Variants in ZBBX observed in about 807,000 individuals in gnomAD.
ZBBX encodes zinc finger B-box domain containing.
Under a neutral mutation model 108.5 loss-of-function variants are expected in ZBBX, and 101 were observed. That is an observed-to-expected ratio of 0.93 (90% confidence interval 0.79 to 1.10). The LOEUF (loss-of-function observed/expected upper bound fraction) is 1.10. Ranked by LOEUF, ZBBX falls within the 50% of genes least tolerant of loss-of-function variation. ZBBX has a pLI of 0.00. For missense variants in ZBBX, 1,009 were observed against 941.4 expected (o/e 1.07, Z -0.94); for synonymous variants, 356 against 323.4 (o/e 1.10, Z -1.08).
At chr3:167,312,406 A>G (rs2108268925) in intron 16 of ZBBX, among the ~76,000 whole-genome samples, 1 of 152,328 alleles carries the variant, frequency 6.6e-6, no homozygotes, top group South Asian at 2.1e-4. Flanking sequence ...TACAATACCA[A>G]GAGTGAACTC....
the ZBBX span, among the ~76,000 whole-genome samples, chr3:167,218,734 A>G: frequency 3.3e-5 from 5 of 152,132 alleles, no homozygotes; most frequent in Non-Finnish European, 7.4e-5. Context: ...CCACAAAACA[A>G]CCAGAACACA....
At position 167,376,857 on chromosome 3, in the gene ZBBX, G is replaced by C. The variant is rs143407956; in HGVS notation, c.-132+2781C>G. ...CATATTATTCTGCCTGTTTCCTTTT[G>C]TAAAGCCAACAGAGAATTTAGTCAC... On this transcript the variant is annotated intron_variant, in intron 2 of 21. Coordinates refer to ENST00000675490, the MANE Select transcript of ZBBX (RefSeq NM_001199201.2). Among the ~76,000 whole-genome samples, 52 of 152,196 alleles carry C rather than the reference G, an allele frequency of 3.4e-4. No homozygotes were observed. In the East Asian group the frequency reaches 9.5e-3, roughly 28 times the overall value.
chr3:167,373,733 T>C lies in ZBBX; in HGVS notation c.-77A>G, dbSNP rs1483258860. 1 of 152,140 alleles carries C rather than the reference T, an allele frequency of 6.6e-6. No homozygotes were observed. Among genetic ancestry groups the C allele is most frequent in the African/African-American group, 2.4e-5 (1 of 41,432 alleles). 9.4% of individuals were successfully genotyped at this position (152,140 alleles called of 1,614,324 possible). ...TTTATTAAGTGGAAGTGAATCATGATCAGGGGCTTCACATTGAGCAGGCTG... is the reference window on the plus strand; with the variant it reads ...TTTATTAAGTGGAAGTGAATCATGACCAGGGGCTTCACATTGAGCAGGCTG... On this transcript the variant is annotated 5_prime_UTR_variant, in exon 3 of 22. Transcript: ENST00000675490.
At chr3:167,223,487 T>C in the ZBBX span, among the ~76,000 whole-genome samples, 9 of 151,956 alleles carry the variant, frequency 5.9e-5, no homozygotes, top group Non-Finnish European at 1.0e-4. Context: ...GGCTGAAATT[T>C]AGTTTTAGCT....
At chr3:167,250,494 T>C (rs1722383515) in intron 20 of ZBBX, among the ~76,000 whole-genome samples, 1 of 151,928 alleles carries the variant, frequency 6.6e-6, no homozygotes, top group Admixed American at 6.6e-5. Context: ...CCTTGTATAA[T>C]ACACATGTTT....
chr3:167,210,795 G>A, the ZBBX span, among the ~76,000 whole-genome samples: 112 of 152,224 alleles, frequency 7.4e-4, no homozygotes, highest in African/African-American at 2.6e-3. Flanking sequence ...AGAAAAGGCT[G>A]AATACTAGAA....
chr3:167,275,953 T>A (rs1353071250), intron 20 of ZBBX, among the ~76,000 whole-genome samples: 1 of 152,152 alleles, frequency 6.6e-6, no homozygotes, highest in Non-Finnish European at 1.5e-5. Context: ...GACTGCCTCC[T>A]CAAGTGGGTC....
chr3:167,375,016 T>A (rs1746728404), intron 2 of ZBBX, among the ~76,000 whole-genome samples: 1 of 152,196 alleles, frequency 6.6e-6, no homozygotes, highest in Non-Finnish European at 1.5e-5. Flanking sequence ...ATGAGTGGCT[T>A]TAAATGTCAA....
chr3:167,277,090 G>T (rs977160954), intron 20 of ZBBX, among the ~76,000 whole-genome samples: 17 of 151,984 alleles, frequency 1.1e-4, no homozygotes, highest in Admixed American at 6.6e-4. Flanking sequence ...AGCTCCTGAA[G>T]GAAGCGCTAA....
intron 2 of ZBBX, among the ~76,000 whole-genome samples, chr3:167,379,266 G>C (rs1191321543): frequency 6.6e-6 from 1 of 152,122 alleles, no homozygotes; most frequent in Non-Finnish European, 1.5e-5. Flanking sequence ...GAGGATCAAG[G>C]TCAACCAGAC....
At chr3:167,366,961 C>A (rs1242223858) in intron 5 of ZBBX, 1 of 455,300 alleles carries the variant, frequency 2.2e-6, no homozygotes, top group South Asian at 1.6e-5. Context: ...CTGATTAAAC[C>A]AATGCTCTAT....
At chr3:167,298,978 C>T (rs866348003) in intron 17 of ZBBX, among the ~76,000 whole-genome samples, 9 of 152,086 alleles carry the variant, frequency 5.9e-5, no homozygotes, top group African/African-American at 1.9e-4. Flanking sequence ...TAATTTATGA[C>T]GTTTATATAG....
At chr3:167,183,179 C>A in the ZBBX span, among the ~76,000 whole-genome samples, 1 of 152,176 alleles carries the variant, frequency 6.6e-6, no homozygotes, top group African/African-American at 2.4e-5. Context: ...GCTCTGTCAC[C>A]TCTTCTGTTA....
chr3:167,261,601 G>C lies in ZBBX; in HGVS notation c.2255-18958C>G, dbSNP rs888065687. ...CTCTGCTGAGTCATGCAGGTTGTCA[G>C]GGAAGTGGGAGAAAGCCAGCAGTCA... On this transcript the variant is annotated intron_variant, in intron 20 of 21. Coordinates refer to ENST00000675490, the MANE Select transcript of ZBBX (RefSeq NM_001199201.2). Among the ~76,000 whole-genome samples the C allele has an allele frequency of 4.6e-4, 70 of 151,924 alleles. 1 individual carries two copies. The highest frequency in any genetic ancestry group is 1.6e-3 in the African/African-American group (67 of 41,406).
intron 4 of ZBBX, 182 bp from the exon 5 acceptor site, chr3:167,368,756 A>T: frequency 7.9e-7 from 1 of 1,258,544 alleles, no homozygotes; most frequent in African/African-American, 1.6e-5. Context: ...AAAATCCTGA[A>T]GCAAATTATC....
intron 20 of ZBBX, among the ~76,000 whole-genome samples, chr3:167,243,582 G>C (rs1455706345): frequency 6.6e-6 from 1 of 151,920 alleles, no homozygotes. Flanking sequence ...ATTTTTAGTA[G>C]AGACGGGGTT....
intron 1 of ZBBX, among the ~76,000 whole-genome samples, chr3:167,402,103 G>T (rs565520626): frequency 6.6e-6 from 1 of 151,946 alleles, no homozygotes; most frequent in East Asian, 1.9e-4. Context: ...GCTACATTAC[G>T]GTCTGAAAGA....
chr3:167,210,478 G>C, the ZBBX span, among the ~76,000 whole-genome samples: 1 of 152,154 alleles, frequency 6.6e-6, no homozygotes, highest in Non-Finnish European at 1.5e-5. Context: ...GAAAGGAATA[G>C]GGGTAGAAAG....
At chr3:167,230,474 G>A in the ZBBX span, among the ~76,000 whole-genome samples, 1 of 151,810 alleles carries the variant, frequency 6.6e-6, no homozygotes, top group Non-Finnish European at 1.5e-5. Flanking sequence ...AAGAGAGAGT[G>A]AAACAGTGAA....
Sources: gnomAD v4.1 joint callset for allele counts (sites outside exome capture counted in the v4.1 genomes callset) on GRCh38, gnomAD v4.1.1 for gene constraint, MANE v1.5 for transcripts, NCBI Gene and HGNC (gene_info 2026-07-23, HGNC 2026-07-21) for gene names.